ADD1: variants seen among roughly 807,000 people sequenced by gnomAD.
ADD1 encodes adducin 1.
A neutral mutation model predicts 80.5 loss-of-function variants in ADD1; 24 were observed. The ratio of observed to expected loss-of-function variants is 0.30; its 90% CI spans 0.22 to 0.42. The LOEUF (loss-of-function observed/expected upper bound fraction) is 0.42. ADD1 is among the 10% of genes least tolerant of loss of function. The pLI is 1.00. For missense variants in ADD1, 948 were observed against 1,019.0 expected (o/e 0.93, Z 0.95); for synonymous variants, 373 against 393.8 (o/e 0.95, Z 0.63).
rs1712397953 is a variant in ADD1 at position 2,928,630 on chromosome 4, C to T, written c.*107C>T. On this transcript the variant is annotated 3_prime_UTR_variant, in exon 16 of 16. Transcript: ENST00000683351. ...GTAATGGAATGCAAAAAAGCCAAGCCCTCCGCCTAGAGGTCCCCTCACGTG... is the reference window on the plus strand; with the variant it reads ...GTAATGGAATGCAAAAAAGCCAAGCTCTCCGCCTAGAGGTCCCCTCACGTG... The T allele has an allele frequency of 7.8e-7, 1 of 1,288,992 alleles. No individual in the cohort carries two copies. 79.8% of individuals were successfully genotyped at this position (1,288,992 alleles called of 1,614,324 possible). A position where few individuals can be genotyped will look rare whatever the true frequency, so the allele number is the denominator to read the frequency against.
chr4:2,873,921 C>T (rs1730842450), intron 1 of ADD1, among the ~76,000 whole-genome samples: 1 of 152,158 alleles, frequency 6.6e-6, no homozygotes, highest in African/African-American at 2.4e-5. Context: ...GAATAAGTTT[C>T]AGAGATTCCA....
chr4:2,871,288 A>G (rs1730413078), intron 1 of ADD1, among the ~76,000 whole-genome samples: 1 of 152,100 alleles, frequency 6.6e-6, no homozygotes, highest in Non-Finnish European at 1.5e-5. Context: ...GACATTTTCT[A>G]ACCAGGCACA....
rs955907666 is a variant in ADD1, at chr4:2,929,163, T to A, written c.*640T>A. ...GACGATCCCTCGACCAGAATCAGAT[T>A]CAGGAGCTCAGTTTCTTTTTCACTT... On this transcript the variant is annotated 3_prime_UTR_variant, in exon 16 of 16. Transcript: ENST00000683351. 6.6e-6 allele frequency: 1 copy of A among 152,188 alleles called. No individual in the cohort carries two copies. The highest frequency in any genetic ancestry group is 1.5e-5 in the Non-Finnish European group (1 of 68,050). The allele number at this position is 152,188 out of a possible 1,614,324, so 9.4% of individuals were successfully genotyped here.
intron 13 of ADD1, chr4:2,914,604 C>G (rs752637750): frequency 9.0e-6 from 3 of 334,152 alleles, no homozygotes; most frequent in African/African-American, 4.3e-5. Context: ...GTGCTCTGTG[C>G]TCTTGGGTCT....
rs1380610172 is a variant in ADD1, at chr4:2,904,852, C to T, written c.1250C>T (p.Thr417Ile). The T allele has an allele frequency of 6.2e-7, 1 of 1,614,202 alleles. No homozygotes were observed. The highest frequency in any genetic ancestry group is 2.2e-5 in the East Asian group (1 of 44,884). Residue 417 changes from threonine to isoleucine, a missense_variant, in exon 10 of 16, where the codon ACA becomes ATA. Thr to Ile is a moderately conservative substitution (Grantham distance 89). Transcript: ENST00000683351. ...GATGTGGAGGTTCCTGCTAGTGTCA[C>T]AGGTTACTCCTTTGCTAGTGACGGT... is the stretch of plus-strand genomic sequence containing the variant. ...YSDVEVPASV[T>I]GYSFASDGDS...
chr4:2,866,133 A>C (rs766375803), intron 1 of ADD1, among the ~76,000 whole-genome samples: 4 of 152,146 alleles, frequency 2.6e-5, no homozygotes, highest in Non-Finnish European at 5.9e-5. Flanking sequence ...ATGCTGATTG[A>C]TATTTGTTCA....
intron 9 of ADD1, 157 bp downstream of exon 9, chr4:2,899,592 G>A (rs1291082586): frequency 1.3e-6 from 1 of 791,578 alleles, no homozygotes; most frequent in Non-Finnish European, 2.1e-6. Flanking sequence ...AACTTCTGAG[G>A]TAAATTACAA....
Position 2,926,106 on chromosome 4 carries a change from G to A in ADD1, c.2041G>A (p.Glu681Lys). ...GCCTCCCAGCACTCCCATCAAGCTG[G>A]AGGAAGGTGAGCTCTGGGTGGCAGC... The part of the protein sequence containing the change: ...HPPPSTPIKL[E>K]EDLVPEPTTG... The change falls in exon 15 of 16, where the codon GAG (glutamate) becomes AAG (lysine). Residue 681 changes from glutamate (E) to lysine (K), a missense_variant. Physicochemically the swap from Glu to Lys is moderately conservative, Grantham distance 56. Transcript: ENST00000683351. The surrounding 1 kb of genome is among the most constrained non-coding windows in gnomAD (Gnocchi z 5.0). The A allele has an allele frequency of 1.2e-6, 2 of 1,613,992 alleles. No individual in the cohort carries two copies. The highest frequency in any genetic ancestry group is 2.2e-5 in the South Asian group (2 of 91,076).
At position 2,859,726 on chromosome 4, in the gene ADD1, A is replaced by G. The variant is rs539021549; in HGVS notation, c.-21+15702A>G. ...AAATGAAACTTTTTATTTAATCCTC[A>G]CCCATTTTGGAGGTTTTCTTTACTG... On this transcript the variant is annotated intron_variant, in intron 1 of 15. Coordinates refer to ENST00000683351, the MANE Select transcript of ADD1 (RefSeq NM_001354761.2). 5.6e-4 allele frequency among the ~76,000 whole-genome samples: 85 copies of G among 152,168 alleles called. 2 individuals carry two copies. The highest frequency in any genetic ancestry group is 1.9e-3 in the African/African-American group (78 of 41,514).
At chr4:2,916,140 G>A (rs1738990550) in intron 14 of ADD1, among the ~76,000 whole-genome samples, 1 of 151,066 alleles carries the variant, frequency 6.6e-6, no homozygotes. Context: ...ATTTGGATCA[G>A]TTAGTGGGAA....
intron 1 of ADD1, among the ~76,000 whole-genome samples, chr4:2,845,566 G>A (rs771452205): frequency 2.0e-5 from 3 of 152,094 alleles, no homozygotes; most frequent in Non-Finnish European, 4.4e-5. Context: ...TTAAAGTTTC[G>A]GAGAGTCGCT....
chr4:2,883,060 C>A (rs1732634077), intron 3 of ADD1, among the ~76,000 whole-genome samples: 1 of 152,092 alleles, frequency 6.6e-6, no homozygotes. Flanking sequence ...ACGGATTTCG[C>A]CATGTTGGCC....
chr4:2,877,016 A>C (rs980929875), intron 2 of ADD1, among the ~76,000 whole-genome samples: 19 of 152,030 alleles, frequency 1.2e-4, no homozygotes, highest in African/African-American at 4.3e-4. Flanking sequence ...AAAAAAAAAA[A>C]AAACCCTAGC....
intron 14 of ADD1, among the ~76,000 whole-genome samples, chr4:2,920,657 C>CTTTTTTTTTTTTTTTTTTTTTTTTTT (rs55649630): frequency 1.5e-5 from 2 of 136,528 alleles, no homozygotes; most frequent in African/African-American, 2.8e-5. Context: ...GCAACTCCTG[C>CTTTTTTTTTTTTTTTTTTTTTTTTTT]TTTTTTTTTT....
At position 2,915,015 on chromosome 4, in the gene ADD1, G is replaced by A; in HGVS notation, c.1923G>A (p.Val641=). 1 of 1,613,738 alleles carries A rather than the reference G, an allele frequency of 6.2e-7. No homozygotes were observed. Among genetic ancestry groups the A allele is most frequent in the Non-Finnish European group, 8.5e-7 (1 of 1,179,814 alleles). ...AGCTGGAGGAGTACCGCAGGGAGGT[G>A]GAGAGGAAGCAGAAGGGCTCTGAAG... ...DRELEEYRRE[V]ERKQKGSEEN... The change falls in exon 14 of 16, where the codon GTG becomes GTA. Residue 641 remains valine (V), a synonymous_variant. Coordinates refer to ENST00000683351, the MANE Select transcript of ADD1 (RefSeq NM_001354761.2).
rs527638807 is a variant in ADD1 at position 2,873,054 on chromosome 4, C to A, written c.-20-2842C>A. On this transcript the variant is annotated intron_variant, in intron 1 of 15. Coordinates refer to ENST00000683351, the MANE Select transcript of ADD1 (RefSeq NM_001354761.2). ...TGTTGTTCAGGCTGGAGTGCAGCGG[C>A]ATGACTCAGCTCACTGCAAACTTTG... 5.3e-5 allele frequency among the ~76,000 whole-genome samples: 8 copies of A among 152,088 alleles called. No homozygotes were observed. The South Asian group carries it at 1.7e-3, about 32-fold the overall frequency.
At chr4:2,927,896 G>A (rs1046506697) in intron 15 of ADD1, among the ~76,000 whole-genome samples, 13 of 152,082 alleles carry the variant, frequency 8.5e-5, no homozygotes, top group African/African-American at 1.4e-4. Context: ...CTGTCTTTCC[G>A]GCGGGGGGAC....
rs750888002 is a variant in ADD1 at position 2,894,649 on chromosome 4, G to C, written c.659G>C (p.Gly220Ala). ...GSTNLGVNQA[G>A]FTLHSAIYAA... ...ACTAATCTGGGAGTGAATCAGGCCG[G>C]CTTCACCTTACACTCTGCAATTTAT... The change falls in exon 6 of 16, where the codon GGC (glycine) becomes GCC (alanine). Residue 220 changes from glycine (G) to alanine (A), a missense_variant. Coordinates refer to ENST00000683351, the MANE Select transcript of ADD1 (RefSeq NM_001354761.2). The C allele has an allele frequency of 6.2e-7, 1 of 1,610,654 alleles. No homozygotes were observed. The highest frequency in any genetic ancestry group is 8.5e-7 in the Non-Finnish European group (1 of 1,178,964).
At position 2,898,440 on chromosome 4, in the gene ADD1, T is replaced by C; in HGVS notation, c.893T>C (p.Ile298Thr). 6 of 1,614,238 alleles carry C rather than the reference T, an allele frequency of 3.7e-6. No homozygotes were observed. The highest frequency in any genetic ancestry group is 5.1e-6 in the Non-Finnish European group (6 of 1,180,046). ...ATTCATGCTTCCCCTCAGGTTCTTA[T>C]TCTCCGGAACCATGGGCTCGTGTCA... ...KNLGPKSKVL[I>T]LRNHGLVSVG... The change falls in exon 8 of 16, where the codon ATT (isoleucine) becomes ACT (threonine). Residue 298 changes from isoleucine (I) to threonine (T), a missense_variant. By Grantham distance (89) the Ile-to-Thr change is moderately conservative. Transcript: ENST00000683351.
Sources: allele counts gnomAD v4.1 joint callset (sites outside exome capture counted in the v4.1 genomes callset), GRCh38; gene constraint gnomAD v4.1.1; non-coding constraint Gnocchi (gnomAD v3.1); transcripts MANE v1.5; gene names NCBI Gene and HGNC (gene_info 2026-07-23, HGNC 2026-07-21).